The following USP43 variants were observed in gnomAD, a reference collection of about 807,000 sequenced individuals.
USP43 encodes ubiquitin specific peptidase 43.
In USP43, 33 loss-of-function variants were observed where a neutral mutation model predicts 90.7. That is an observed-to-expected ratio of 0.36 (90% CI 0.28 to 0.49). The LOEUF is 0.49. Ranked by LOEUF, USP43 falls within the 20% of genes least tolerant of loss-of-function variation. The pLI is 0.98. For missense variants in USP43, 1,274 were observed against 1,476.4 expected (o/e 0.86, Z 2.25); for synonymous variants, 598 against 615.8 (o/e 0.97, Z 0.43).
chr17:9,709,835 A>T lies in USP43; in HGVS notation c.2012-121A>T. 1 of 1,124,116 alleles carries T rather than the reference A, an allele frequency of 8.9e-7. No homozygotes were observed. The highest frequency in any genetic ancestry group is 1.1e-6 in the Non-Finnish European group (1 of 873,610). 69.6% of individuals were successfully genotyped at this position (1,124,116 alleles called of 1,614,324 possible). A position where few individuals can be genotyped will look rare whatever the true frequency, so the allele number is the denominator to read the frequency against. On this transcript the variant is annotated intron_variant, in intron 12 of 14. Coordinates refer to ENST00000285199, the MANE Select transcript of USP43 (RefSeq NM_153210.5). The surrounding 1 kb of genome is among the most constrained non-coding windows in gnomAD (Gnocchi z 5.0). ...CAAAAAAAATTCATTTCTGGCCAAA[A>T]ATGGACTGTTTTTTTCTCATTCTGG...
chr17:9,704,401 C>T (rs1216813149), intron 12 of USP43, among the ~76,000 whole-genome samples: 1 of 152,094 alleles, frequency 6.6e-6, no homozygotes, highest in Admixed American at 6.6e-5. Flanking sequence ...CTCCTGGATT[C>T]AAGTGATTCT....
At chr17:9,707,638 C>T (rs1166772755) in intron 12 of USP43, among the ~76,000 whole-genome samples, 3 of 127,990 alleles carry the variant, frequency 2.3e-5, no homozygotes, top group Non-Finnish European at 4.7e-5. Flanking sequence ...CAGACCGAGA[C>T]TCTGTCTCAA....
At chr17:9,648,435 A>G (rs138191438) in intron 1 of USP43, among the ~76,000 whole-genome samples, 3 of 152,372 alleles carry the variant, frequency 2.0e-5, no homozygotes, top group African/African-American at 7.2e-5. Context: ...CCAGGAGCTT[A>G]TGGTCTAGAG....
intron 14 of USP43, among the ~76,000 whole-genome samples, chr17:9,720,084 A>G (rs1916849665): frequency 6.6e-6 from 1 of 151,610 alleles, no homozygotes; most frequent in South Asian, 2.1e-4. Flanking sequence ...AAGAAAGACT[A>G]GGAAGCCGAG....
intron 1 of USP43, chr17:9,647,404 A>G (rs189466719): frequency 1.3e-5 from 2 of 152,336 alleles, no homozygotes; most frequent in Admixed American, 1.3e-4. Flanking sequence ...ATAGTGGTTA[A>G]GAGCAAGGTC....
At position 9,701,759 on chromosome 17, in the gene USP43, T is replaced by C; in HGVS notation, c.2011+59T>C. ...TGTGGCCACAGCCTCGAGATGTCCCTGGAATGGGTGTTGCTCAGATGCTGA... is the reference window on the plus strand; with the variant it reads ...TGTGGCCACAGCCTCGAGATGTCCCCGGAATGGGTGTTGCTCAGATGCTGA... On this transcript the variant is annotated intron_variant, in intron 12 of 14. Transcript: ENST00000285199. This position sits in a 1 kb window ranked among gnomAD's most constrained non-coding sequence, Gnocchi z 7.2. The C allele has an allele frequency of 7.1e-7, 1 of 1,409,392 alleles. No homozygotes were observed. 87.3% of individuals were successfully genotyped at this position (1,409,392 alleles called of 1,614,324 possible). A position where few individuals can be genotyped will look rare whatever the true frequency, so the allele number is the denominator to read the frequency against.
intron 5 of USP43, among the ~76,000 whole-genome samples, chr17:9,678,117 G>A (rs374325920): frequency 2.0e-5 from 3 of 152,120 alleles, no homozygotes; most frequent in African/African-American, 7.2e-5. Flanking sequence ...AGATCAAAAG[G>A]GAGAAGTCTA....
At chr17:9,705,455 A>G (rs1041621601) in intron 12 of USP43, among the ~76,000 whole-genome samples, 1 of 152,100 alleles carries the variant, frequency 6.6e-6, no homozygotes, top group Admixed American at 6.5e-5. Flanking sequence ...TTCTTTTACT[A>G]TTACAAATGT....
chr17:9,714,131 G>T (rs1314059014), intron 14 of USP43, among the ~76,000 whole-genome samples: 4 of 152,198 alleles, frequency 2.6e-5, no homozygotes, highest in Admixed American at 6.5e-5. Context: ...GCGGAGCTCA[G>T]GCGGTAATGC....
At chr17:9,698,479 T>C (rs1409429179) in intron 9 of USP43, among the ~76,000 whole-genome samples, 1 of 152,252 alleles carries the variant, frequency 6.6e-6, no homozygotes, top group African/African-American at 2.4e-5. Context: ...GATCTCTTTG[T>C]ATGCTCCTCC....
At chr17:9,668,739 G>A (rs2151969149) in intron 3 of USP43, among the ~76,000 whole-genome samples, 1 of 152,280 alleles carries the variant, frequency 6.6e-6, no homozygotes, top group South Asian at 2.1e-4. Flanking sequence ...TGAGGGATGT[G>A]GTAACTCTCC....
In USP43 at chr17:9,701,505, G is replaced by A; in HGVS notation, c.1816G>A (p.Val606Met). The change falls in exon 12 of 15, where the codon GTG (valine) becomes ATG (methionine). Residue 606 changes from valine to methionine, a missense_variant. This residue lies in a region of USP43 where 285 missense variants were observed against 349.6 expected (regional missense o/e 0.82). Coordinates refer to ENST00000285199, the MANE Select transcript of USP43 (RefSeq NM_153210.5). This position sits in a 1 kb window ranked among gnomAD's most constrained non-coding sequence, Gnocchi z 7.2. ...GAGAAGAAACAAGCTCTCCACGCTG[G>A]TGAAGTTTCCGCTCTCTGGACTCAA... ...GERRNKLSTL[V>M]KFPLSGLNMA... is the part of the protein sequence containing the mutation. 6.4e-7 allele frequency: 1 copy of A among 1,569,260 alleles called. No individual in the cohort carries two copies. Among genetic ancestry groups the A allele is most frequent in the South Asian group, 1.2e-5 (1 of 85,170 alleles).
At chr17:9,706,611 A>G (rs1193191942) in intron 12 of USP43, among the ~76,000 whole-genome samples, 2 of 146,796 alleles carry the variant, frequency 1.4e-5, no homozygotes, top group Admixed American at 6.9e-5. Flanking sequence ...TTGAGATGCC[A>G]TCTGCCCTAT....
chr17:9,668,642 GGTT>G (rs1217838819), intron 3 of USP43, among the ~76,000 whole-genome samples: 2 of 152,148 alleles, frequency 1.3e-5, no homozygotes, highest in Non-Finnish European at 1.5e-5. Context: ...GCTTGCTTGA[GGTT>G]GTTTAGTATA....
At chr17:9,699,999 G>A (rs1001733515) in intron 9 of USP43, among the ~76,000 whole-genome samples, 173 bp from the exon 10 acceptor site, 11 of 152,198 alleles carry the variant, frequency 7.2e-5, no homozygotes, top group African/African-American at 2.7e-4. Flanking sequence ...CTGAGACGGA[G>A]CCTTCAGCAG....
chr17:9,645,809 G>T lies in USP43; in HGVS notation c.177G>T (p.Gly59=), dbSNP rs900087160. 12 of 1,388,708 alleles carry T rather than the reference G, an allele frequency of 8.6e-6. No individual in the cohort carries two copies. The highest frequency in any genetic ancestry group is 1.1e-5 in the Non-Finnish European group (12 of 1,078,460). The allele number at this position is 1,388,708 out of a possible 1,614,324, so 86.0% of individuals were successfully genotyped here. A position where few individuals can be genotyped will look rare whatever the true frequency, so the allele number is the denominator to read the frequency against. The change falls in exon 1 of 15, where the codon GGG becomes GGT. Residue 59 remains glycine, a synonymous_variant. Transcript: ENST00000285199. This position sits in a 1 kb window ranked among gnomAD's most constrained non-coding sequence, Gnocchi z 6.8. ...GACACTGTGATGGCGACGGTGAGGG[G>T]GGCTTCGCCTGCGCCCCGGGCCCAG... is the stretch of plus-strand genomic sequence containing the variant. The part of the protein sequence containing the change: ...QPGHCDGDGE[G]GFACAPGPVP...
At chr17:9,699,803 C>T (rs1487121430) in intron 9 of USP43, among the ~76,000 whole-genome samples, 6 of 152,154 alleles carry the variant, frequency 3.9e-5, no homozygotes, top group Non-Finnish European at 8.8e-5. Context: ...TAGCAGCTCT[C>T]TTTGGGCATC....
intron 8 of USP43, among the ~76,000 whole-genome samples, chr17:9,690,153 C>T (rs896884945): frequency 1.3e-5 from 2 of 152,260 alleles, no homozygotes; most frequent in East Asian, 1.9e-4. Flanking sequence ...GGGGTCGGCT[C>T]ACAACTCTCT....
intron 1 of USP43, among the ~76,000 whole-genome samples, chr17:9,648,514 A>G (rs1014747556): frequency 1.3e-5 from 2 of 152,170 alleles, no homozygotes; most frequent in Non-Finnish European, 2.9e-5. Flanking sequence ...TAGAAAGGAC[A>G]AATACAAGGT....
Sources: gnomAD v4.1 joint callset for allele counts (sites outside exome capture counted in the v4.1 genomes callset) on GRCh38, gnomAD v4.1.1 for gene constraint, gnomAD v4.1.1 regional missense constraint, Gnocchi (gnomAD v3.1) non-coding constraint, MANE v1.5 for transcripts, NCBI Gene and HGNC (gene_info 2026-07-23, HGNC 2026-07-21) for gene names.